DHX35: variants seen among roughly 807,000 people sequenced by gnomAD.
DHX35 encodes the protein DEAH-box helicase 35.
In DHX35, 84 loss-of-function variants were observed where a neutral mutation model predicts 99.6. The ratio of observed to expected loss-of-function variants is 0.84; its 90% CI spans 0.71 to 1.01. The LOEUF (loss-of-function observed/expected upper bound fraction) is 1.01, where lower values mean the gene tolerates loss of function less well. DHX35 is among the 50% of genes least tolerant of loss of function. The pLI, the probability that DHX35 is intolerant of heterozygous loss-of-function variation, is 0.00. For synonymous variants in DHX35, 331 were observed against 316.2 expected (o/e 1.05, Z -0.50); for missense variants, 852 against 888.5 (o/e 0.96, Z 0.52).
intron 5 of DHX35, among the ~76,000 whole-genome samples, 187 bp from the exon 6 acceptor site, chr20:38,991,266 TG>T (rs1021037776): frequency 6.6e-6 from 1 of 152,180 alleles, no homozygotes; most frequent in African/African-American, 2.4e-5. Flanking sequence ...CTGAGGACCC[TG>T]TGTTTAAAGC....
At chr20:39,011,117 A>G (rs2145913564) in intron 13 of DHX35, among the ~76,000 whole-genome samples, 1 of 152,024 alleles carries the variant, frequency 6.6e-6, no homozygotes, top group Non-Finnish European at 1.5e-5. Context: ...TTTATTAGTC[A>G]GTTTTTATTT....
At chr20:39,033,680 T>C (rs1194271128) in intron 20 of DHX35, among the ~76,000 whole-genome samples, 2 of 152,256 alleles carry the variant, frequency 1.3e-5, no homozygotes, top group African/African-American at 2.4e-5. Context: ...GGTTGTCTAT[T>C]ACCTGAGCCT....
intron 3 of DHX35, chr20:38,978,151 C>A: frequency 1.2e-6 from 1 of 858,964 alleles, no homozygotes. Context: ...TATTTCAAAG[C>A]CCCTAAGGGA....
chr20:38,977,943 A>G (rs765188305), intron 3 of DHX35: 18 of 614,352 alleles, frequency 2.9e-5, no homozygotes, highest in Non-Finnish European at 5.2e-5. Context: ...CATTAGCAGC[A>G]GCAGCAAGTT....
At chr20:38,993,520 C>T (rs2086374131) in intron 7 of DHX35, among the ~76,000 whole-genome samples, 1 of 152,142 alleles carries the variant, frequency 6.6e-6, no homozygotes, top group South Asian at 2.1e-4. Flanking sequence ...GCCACCATGC[C>T]TGGCTAATTT....
intron 3 of DHX35, among the ~76,000 whole-genome samples, chr20:38,975,591 T>C (rs1046265200): frequency 6.6e-6 from 1 of 152,184 alleles, no homozygotes; most frequent in East Asian, 1.9e-4. Flanking sequence ...CAGAATTGTT[T>C]GGGAATTAGT....
intron 20 of DHX35, among the ~76,000 whole-genome samples, chr20:39,033,076 CA>C (rs1456295056): frequency 1.4e-5 from 2 of 146,712 alleles, no homozygotes; most frequent in Non-Finnish European, 3.0e-5. Flanking sequence ...CCTCAACTCT[CA>C]AAAAAAAAAT....
At chr20:39,033,301 A>G (rs1444102237) in intron 20 of DHX35, among the ~76,000 whole-genome samples, 1 of 151,664 alleles carries the variant, frequency 6.6e-6, no homozygotes, top group Non-Finnish European at 1.5e-5. Flanking sequence ...TTTTTTGCTG[A>G]CTTTTGGGTG....
intron 8 of DHX35, among the ~76,000 whole-genome samples, chr20:38,995,242 G>A (rs901120214): frequency 6.6e-6 from 1 of 152,018 alleles, no homozygotes; most frequent in Non-Finnish European, 1.5e-5. Context: ...AGTTTCTCCT[G>A]GGCTGGGCAC....
At chr20:39,022,981 G>A (rs539744230) in intron 16 of DHX35, among the ~76,000 whole-genome samples, 3 of 152,214 alleles carry the variant, frequency 2.0e-5, no homozygotes, top group South Asian at 2.1e-4. Context: ...ACTTTCTTAG[G>A]GATTGTTGGG....
intron 4 of DHX35, among the ~76,000 whole-genome samples, chr20:38,987,561 A>G (rs1350222495): frequency 6.6e-6 from 1 of 152,080 alleles, no homozygotes; most frequent in Non-Finnish European, 1.5e-5. Context: ...AAACTAAATG[A>G]TATTCATTAT....
At chr20:39,012,120 C>T (rs142748852) in intron 13 of DHX35, among the ~76,000 whole-genome samples, 5 of 152,100 alleles carry the variant, frequency 3.3e-5, no homozygotes, top group Admixed American at 1.3e-4. Flanking sequence ...TGGTGGCATG[C>T]GCCTGTAGTC....
At chr20:39,003,657 C>G in intron 10 of DHX35, 92 bp from the exon 11 acceptor site, 2 of 1,462,950 alleles carry the variant, frequency 1.4e-6, no homozygotes, top group Non-Finnish European at 1.9e-6. Context: ...AAATTAAAGT[C>G]CAGATCCCAA....
chr20:38,989,222 C>T (rs546792326), intron 5 of DHX35, among the ~76,000 whole-genome samples: 2 of 150,372 alleles, frequency 1.3e-5, no homozygotes, highest in Admixed American at 1.3e-4. Flanking sequence ...CTCAGCCTCC[C>T]GAGTAGCTGG....
intron 3 of DHX35, chr20:38,978,558 A>G (rs7269329): frequency 0.15 from 46,070 of 307,562 alleles, 3,909 homozygotes; most frequent in East Asian, 0.27. Flanking sequence ...TTGCTATTGA[A>G]TTGTTTGAGC....
intron 1 of DHX35, among the ~76,000 whole-genome samples, chr20:38,967,689 A>G (rs1471840302): frequency 2.0e-5 from 3 of 152,238 alleles, no homozygotes; most frequent in African/African-American, 7.2e-5. Flanking sequence ...CTTCACCATC[A>G]TGATCACCAG....
intron 4 of DHX35, among the ~76,000 whole-genome samples, chr20:38,985,618 G>A (rs2086238614): frequency 6.6e-6 from 1 of 152,090 alleles, no homozygotes; most frequent in Non-Finnish European, 1.5e-5. Context: ...GGGGCTAACA[G>A]TTTGGAAACC....
At chr20:38,995,524 C>CAA (rs901064627) in intron 8 of DHX35, among the ~76,000 whole-genome samples, 1 of 130,244 alleles carries the variant, frequency 7.7e-6, no homozygotes, top group Non-Finnish European at 1.7e-5. Flanking sequence ...AACTTCATCT[C>CAA]AAAAAAAAAA....
chr20:38,974,170 G>T (rs1485583270), intron 3 of DHX35, among the ~76,000 whole-genome samples: 1 of 152,152 alleles, frequency 6.6e-6, no homozygotes, highest in Admixed American at 6.5e-5. Context: ...AATATGACAA[G>T]CTGAGCTTTA....
Sources: allele counts gnomAD v4.1 joint callset (sites outside exome capture counted in the v4.1 genomes callset), GRCh38; gene constraint gnomAD v4.1.1; transcripts MANE v1.5; gene names NCBI Gene and HGNC (gene_info 2026-07-23, HGNC 2026-07-21).